DTNA: variants seen among roughly 807,000 people sequenced by gnomAD.
DTNA encodes dystrophin-related protein 3.
A neutral mutation model predicts 100.7 loss-of-function variants in DTNA; 43 were observed. That is an observed-to-expected ratio of 0.43 (90% CI 0.33 to 0.55). The LOEUF (loss-of-function observed/expected upper bound fraction) is 0.55, where lower values mean the gene tolerates loss of function less well. Among genes scored for constraint, DTNA ranks in the 20% least tolerant of loss-of-function variants. The pLI, the probability that DTNA is intolerant of heterozygous loss-of-function variation, is 0.04. For missense variants in DTNA, 798 were observed against 953.9 expected (o/e 0.84, Z 2.15); for synonymous variants, 349 against 347.9 (o/e 1.00, Z -0.04).
intron 1 of DTNA, among the ~76,000 whole-genome samples, chr18:34,525,065 A>C (rs375436250): frequency 6.6e-6 from 1 of 152,192 alleles, no homozygotes; most frequent in African/African-American, 2.4e-5. Flanking sequence ...AATTTTTGAA[A>C]GAAATCAGAA....
intron 1 of DTNA, among the ~76,000 whole-genome samples, chr18:34,620,053 GTAT>G (rs999676596): frequency 6.6e-6 from 1 of 152,164 alleles, no homozygotes. Context: ...ACTGCAAGTG[GTAT>G]TATACGAAAC....
chr18:34,756,768 T>C (rs1456671767), intron 2 of DTNA, among the ~76,000 whole-genome samples: 1 of 148,452 alleles, frequency 6.7e-6, no homozygotes, highest in Non-Finnish European at 1.5e-5. Context: ...TAGACCATTT[T>C]TCTTATTCAT....
chr18:34,719,525 A>G (rs765186379), intron 1 of DTNA, among the ~76,000 whole-genome samples: 2 of 152,124 alleles, frequency 1.3e-5, no homozygotes, highest in Non-Finnish European at 2.9e-5. Flanking sequence ...AATCAGCTCA[A>G]CTACTACGCC....
intron 1 of DTNA, among the ~76,000 whole-genome samples, chr18:34,750,106 G>A (rs1417256403): frequency 6.6e-6 from 1 of 152,176 alleles, no homozygotes; most frequent in Non-Finnish European, 1.5e-5. Context: ...GGAAAATAAA[G>A]CATGGTAATG....
intron 11 of DTNA, 52 bp from the exon 12 acceptor site, chr18:34,838,042 G>GA: frequency 6.5e-7 from 1 of 1,535,694 alleles, no homozygotes; most frequent in South Asian, 1.1e-5. Context: ...TTCTATTCTT[G>GA]AATGCATTGC....
intron 15 of DTNA, among the ~76,000 whole-genome samples, chr18:34,856,303 G>A (rs1335776773): frequency 6.6e-6 from 1 of 152,128 alleles, no homozygotes; most frequent in African/African-American, 2.4e-5. Flanking sequence ...AACCCACCCA[G>A]GGAACTCATG....
intron 1 of DTNA, among the ~76,000 whole-genome samples, chr18:34,743,633 A>G (rs1198600088): frequency 1.3e-5 from 2 of 152,320 alleles, no homozygotes; most frequent in African/African-American, 4.8e-5. Context: ...ATGTTTATTA[A>G]AAATCAAAAT....
At chr18:34,565,044 C>G (rs781214787) in intron 1 of DTNA, among the ~76,000 whole-genome samples, 1 of 152,140 alleles carries the variant, frequency 6.6e-6, no homozygotes, top group Non-Finnish European at 1.5e-5. Context: ...TATTTTTTCC[C>G]AAACAGCTTA....
intron 1 of DTNA, among the ~76,000 whole-genome samples, chr18:34,527,308 C>A (rs1304494033): frequency 6.6e-6 from 1 of 151,956 alleles, no homozygotes; most frequent in Admixed American, 6.6e-5. Context: ...TTCCCACAAA[C>A]CAAAGAGAAT....
chr18:34,539,307 A>G (rs920311796), intron 1 of DTNA, among the ~76,000 whole-genome samples: 1 of 152,020 alleles, frequency 6.6e-6, no homozygotes, highest in Non-Finnish European at 1.5e-5. Context: ...AAGGAAGACA[A>G]ATTTGCATTT....
intron 5 of DTNA, among the ~76,000 whole-genome samples, chr18:34,809,872 T>G (rs374167543): frequency 3.2e-4 from 48 of 152,230 alleles, no homozygotes; most frequent in African/African-American, 1.1e-3. Flanking sequence ...CACCATTCAG[T>G]GGTAGGGTGT....
chr18:34,603,813 G>A (rs1037884875), intron 1 of DTNA, among the ~76,000 whole-genome samples: 4 of 152,142 alleles, frequency 2.6e-5, no homozygotes, highest in South Asian at 2.1e-4. Context: ...ACCTTGTGAA[G>A]AGAAAGGTCA....
chr18:34,888,938 A>G lies in DTNA; in HGVS notation c.*1204A>G. The G allele has an allele frequency of 1.0e-6, 1 of 985,824 alleles. No individual in the cohort carries two copies. Among genetic ancestry groups the G allele is most frequent in the Non-Finnish European group, 1.2e-6 (1 of 829,924 alleles). 61.1% of individuals were successfully genotyped at this position (985,824 alleles called of 1,614,324 possible). A position where few individuals can be genotyped will look rare whatever the true frequency, so the allele number is the denominator to read the frequency against. On this transcript the variant is annotated 3_prime_UTR_variant, in exon 23 of 23. Transcript: ENST00000444659. ...GCCTTCTGTGGTCATGTGAAAGGAGACAGGCTCTTCTAAGTTGAGTTGGGA... is the reference window on the plus strand; with the variant it reads ...GCCTTCTGTGGTCATGTGAAAGGAGGCAGGCTCTTCTAAGTTGAGTTGGGA...
chr18:34,534,104 T>G (rs1265859801), intron 1 of DTNA, among the ~76,000 whole-genome samples: 4 of 152,060 alleles, frequency 2.6e-5, no homozygotes, highest in Non-Finnish European at 4.4e-5. Context: ...CCCAGCACTT[T>G]GGGAGTCCAA....
At chr18:34,551,023 C>A (rs2145930582) in intron 1 of DTNA, among the ~76,000 whole-genome samples, 1 of 152,248 alleles carries the variant, frequency 6.6e-6, no homozygotes, top group East Asian at 1.9e-4. Context: ...TTTCTTTAAT[C>A]CAGATTGCCC....
intron 1 of DTNA, among the ~76,000 whole-genome samples, chr18:34,570,454 T>C (rs976409181): frequency 2.6e-5 from 4 of 152,180 alleles, no homozygotes; most frequent in African/African-American, 9.7e-5. Flanking sequence ...AGGGACAGAG[T>C]CTTAATTACT....
chr18:34,617,731 C>T (rs997133172), intron 1 of DTNA, among the ~76,000 whole-genome samples: 2 of 152,092 alleles, frequency 1.3e-5, no homozygotes, highest in Non-Finnish European at 2.9e-5. Context: ...TGGTAGAAGT[C>T]AGCTGTGACA....
intron 5 of DTNA, among the ~76,000 whole-genome samples, chr18:34,809,901 G>T (rs1808420616): frequency 6.6e-6 from 1 of 152,174 alleles, no homozygotes; most frequent in South Asian, 2.1e-4. Context: ...TAATTCCAGG[G>T]AGCATCATTG....
At chr18:34,624,491 C>T (rs1198413328) in intron 1 of DTNA, among the ~76,000 whole-genome samples, 24 of 152,106 alleles carry the variant, frequency 1.6e-4, no homozygotes, top group Admixed American at 1.6e-3. Flanking sequence ...TTTGAGTAAA[C>T]AAATTAGGAA....
Sources: allele counts gnomAD v4.1 joint callset (sites outside exome capture counted in the v4.1 genomes callset), GRCh38; gene constraint gnomAD v4.1.1; transcripts MANE v1.5; gene names NCBI Gene and HGNC (gene_info 2026-07-23, HGNC 2026-07-21).